VPS13C: variants seen among roughly 807,000 people sequenced by gnomAD.
VPS13C encodes intermembrane lipid transfer protein VPS13C.
Under a neutral mutation model 456.8 loss-of-function variants are expected in VPS13C, and 358 were observed. The ratio of observed to expected loss-of-function variants is 0.78; its 90% CI spans 0.72 to 0.86. The LOEUF (loss-of-function observed/expected upper bound fraction) is 0.86. VPS13C is among the 40% of genes least tolerant of loss of function. The pLI, the probability that VPS13C is intolerant of heterozygous loss-of-function variation, is 0.00. For synonymous variants in VPS13C, 1,578 were observed against 1,486.7 expected, an observed-to-expected ratio of 1.06 and a Z score of -1.41; for missense variants, 4,818 against 4,385.4, an observed-to-expected ratio of 1.10 and a Z score of -2.79.
chr15:61,915,344 T>A (rs529047668), intron 61 of VPS13C, among the ~76,000 whole-genome samples: 2 of 152,306 alleles, frequency 1.3e-5, no homozygotes, highest in Admixed American at 1.3e-4. Context: ...TCATCACTGG[T>A]AAAGTACATA....
chr15:61,898,589 C>T (rs2042903404), intron 66 of VPS13C, among the ~76,000 whole-genome samples: 1 of 151,416 alleles, frequency 6.6e-6, no homozygotes, highest in Non-Finnish European at 1.5e-5. Flanking sequence ...ACAGGAGCAC[C>T]CAGATTCATA....
intron 18 of VPS13C, among the ~76,000 whole-genome samples, chr15:61,990,160 A>G (rs954829723): frequency 6.6e-6 from 1 of 152,196 alleles, no homozygotes; most frequent in Admixed American, 6.5e-5. Flanking sequence ...TTATAGAAAG[A>G]TTAAAAATAT....
chr15:61,963,702 T>C, intron 32 of VPS13C, 133 bp downstream of exon 32: 2 of 655,692 alleles, frequency 3.1e-6, no homozygotes, highest in South Asian at 1.9e-5. Context: ...AGAGGAAGCA[T>C]ACAATCCAAT....
At chr15:61,856,687 C>CTTTTTTTTTTTTTTTTTTTTTT (rs542779595) in intron 82 of VPS13C, 71 of 114,800 alleles carry the variant, frequency 6.2e-4, no homozygotes, top group African/African-American at 7.9e-4. Flanking sequence ...TTTTTCTTTT[C>CTTTTTTTTTTTTTTTTTTTTTT]TTTTTTTTTT....
intron 41 of VPS13C, 22 bp downstream of exon 41, chr15:61,950,336 T>G (rs769913469): frequency 6.3e-7 from 1 of 1,586,780 alleles, no homozygotes; most frequent in Non-Finnish European, 8.7e-7. Context: ...CCCAACCTTA[T>G]AGCAAATTAT....
intron 22 of VPS13C, among the ~76,000 whole-genome samples, chr15:61,980,279 G>A (rs77641080): frequency 6.7e-6 from 1 of 149,072 alleles, no homozygotes; most frequent in African/African-American, 2.5e-5. Context: ...TTAAAACAAT[G>A]GTTACCATGA....
In VPS13C at chr15:62,012,012, T is replaced by G. The variant is rs982342554; in HGVS notation, c.883+95A>C. The G allele has an allele frequency of 5.3e-6, 4 of 757,596 alleles. No homozygotes were observed. The African/African-American group carries it at 7.2e-5, about 14-fold the overall frequency. 46.9% of individuals were successfully genotyped at this position (757,596 alleles called of 1,614,324 possible). A position where few individuals can be genotyped will look rare whatever the true frequency, so the allele number is the denominator to read the frequency against. On this transcript the variant is annotated intron_variant, in intron 12 of 84. Transcript: ENST00000644861. Reference sequence around the variant, plus strand: ...AGTAAGGTATAAAATTAATATACTTTGACTAAGTAAGTTTATCAGAAAACT... The same window carrying G: ...AGTAAGGTATAAAATTAATATACTTGGACTAAGTAAGTTTATCAGAAAACT...
At chr15:61,922,282 T>A in intron 54 of VPS13C, 115 bp downstream of exon 54, 1 of 1,302,716 alleles carries the variant, frequency 7.7e-7, no homozygotes, top group Non-Finnish European at 1.1e-6. Context: ...CAGAACACAC[T>A]ATCTATTCAC....
chr15:61,926,868 T>G (rs1348305387), intron 52 of VPS13C, among the ~76,000 whole-genome samples: 1 of 152,194 alleles, frequency 6.6e-6, no homozygotes, highest in African/African-American at 2.4e-5. Context: ...GAAGATGGTA[T>G]AATGAAAATA....
At chr15:61,943,939 G>C (rs1362974425) in intron 45 of VPS13C, among the ~76,000 whole-genome samples, 1 of 147,710 alleles carries the variant, frequency 6.8e-6, no homozygotes, top group Non-Finnish European at 1.5e-5. Flanking sequence ...GTGAACAAGT[G>C]AACAAGCAAA....
In VPS13C at chr15:61,979,941, T is replaced by C. The variant is rs915134166; in HGVS notation, c.2167-1192A>G. On this transcript the variant is annotated intron_variant, in intron 22 of 84. Coordinates refer to ENST00000644861, the MANE Select transcript of VPS13C (RefSeq NM_020821.3). ...GCTCACGTCTGTAATCCCAGCACTT[T>C]GGGAGGCCAAGGTGAGCGGATCACT... Among the ~76,000 whole-genome samples, 51 of 152,072 alleles carry C rather than the reference T, an allele frequency of 3.4e-4. 1 individual carries two copies. The highest frequency in any genetic ancestry group is 5.9e-5 in the Non-Finnish European group (4 of 67,972).
chr15:61,869,220 C>A (rs749221009), intron 80 of VPS13C, among the ~76,000 whole-genome samples: 1 of 151,210 alleles, frequency 6.6e-6, no homozygotes, highest in African/African-American at 2.4e-5. Context: ...TAGGTTCACG[C>A]GGTTCTCATG....
At chr15:61,895,180 A>G (rs766515750) in intron 66 of VPS13C, among the ~76,000 whole-genome samples, 9 of 152,176 alleles carry the variant, frequency 5.9e-5, no homozygotes, top group Non-Finnish European at 8.8e-5. Flanking sequence ...TGGAAACACA[A>G]TATATCAAAA....
chr15:62,053,542 T>C (rs187384610), intron 1 of VPS13C, among the ~76,000 whole-genome samples: 1 of 152,340 alleles, frequency 6.6e-6, no homozygotes, highest in African/African-American at 2.4e-5. Flanking sequence ...GCGGAGGAAG[T>C]GGCAGTACCA....
At chr15:61,976,090 A>C (rs28758709) in intron 24 of VPS13C, among the ~76,000 whole-genome samples, 10,390 of 152,092 alleles carry the variant, frequency 0.068, 698 homozygotes, top group African/African-American at 0.17. Flanking sequence ...TTAAGAACTT[A>C]TGTGCAGAAT....
At chr15:61,968,839 G>A (rs1200767469) in intron 28 of VPS13C, among the ~76,000 whole-genome samples, 1 of 152,076 alleles carries the variant, frequency 6.6e-6, no homozygotes. Context: ...TATGATCAGA[G>A]ATAAACTCTT....
chr15:61,963,646 G>A (rs2045286815), intron 32 of VPS13C, among the ~76,000 whole-genome samples, 189 bp downstream of exon 32: 1 of 151,874 alleles, frequency 6.6e-6, no homozygotes, highest in Non-Finnish European at 1.5e-5. Context: ...TATGTGTAGA[G>A]GTCAATTGGG....
chr15:61,913,485 TTGC>T, intron 61 of VPS13C, 70 bp from the exon 62 acceptor site: 1 of 1,353,876 alleles, frequency 7.4e-7, no homozygotes, highest in Non-Finnish European at 1.0e-6. Flanking sequence ...TGAGAGAAAG[TTGC>T]TGGACTACTA....
chr15:62,007,189 C>G, intron 15 of VPS13C, 119 bp downstream of exon 15: 4 of 889,368 alleles, frequency 4.5e-6, no homozygotes, highest in Non-Finnish European at 6.0e-6. Flanking sequence ...ATAATTCTCT[C>G]TCAAAAAGAG....
Sources: allele counts gnomAD v4.1 joint callset (sites outside exome capture counted in the v4.1 genomes callset), GRCh38; gene constraint gnomAD v4.1.1; transcripts MANE v1.5; gene names NCBI Gene and HGNC (gene_info 2026-07-23, HGNC 2026-07-21).